The following FBXL17 variants were observed in gnomAD, a reference collection of about 807,000 sequenced individuals.
FBXL17 encodes the protein F-box/LRR-repeat protein 17.
Under a neutral mutation model 66.2 loss-of-function variants are expected in FBXL17, and 22 were observed. The ratio of observed to expected loss-of-function variants is 0.33; its 90% CI spans 0.24 to 0.47. The LOEUF is 0.47. FBXL17 is among the 20% of genes least tolerant of loss of function. The pLI is 1.00. For synonymous variants in FBXL17, 474 were observed against 400.5 expected (o/e 1.18, Z -2.19); for missense variants, 878 against 948.2 (o/e 0.93, Z 0.97).
At chr5:107,893,838 C>G (rs1157312202) in intron 7 of FBXL17, among the ~76,000 whole-genome samples, 1 of 152,120 alleles carries the variant, frequency 6.6e-6, no homozygotes, top group Non-Finnish European at 1.5e-5. Flanking sequence ...AAAAAGCTGA[C>G]AATTGGCAAC....
chr5:108,054,552 TG>T (rs1160465310), intron 6 of FBXL17, among the ~76,000 whole-genome samples: 3 of 152,206 alleles, frequency 2.0e-5, no homozygotes, highest in Non-Finnish European at 2.9e-5. Context: ...AAAACCACAG[TG>T]GGGTTAACTG....
At chr5:108,360,515 G>T (rs1189483104) in intron 3 of FBXL17, among the ~76,000 whole-genome samples, 1 of 152,046 alleles carries the variant, frequency 6.6e-6, no homozygotes, top group Non-Finnish European at 1.5e-5. Flanking sequence ...CTGCTTTGAA[G>T]ATTCTGTCTT....
At chr5:108,021,090 G>GA in intron 6 of FBXL17, 89 bp from the exon 7 acceptor site, 2 of 854,318 alleles carry the variant, frequency 2.3e-6, no homozygotes, top group Non-Finnish European at 3.9e-6. Flanking sequence ...AGTATTTGGT[G>GA]AATGCCACAG....
chr5:108,251,886 G>T (rs955999123), intron 4 of FBXL17, among the ~76,000 whole-genome samples: 1 of 151,754 alleles, frequency 6.6e-6, no homozygotes, highest in Non-Finnish European at 1.5e-5. Context: ...CATATTCATT[G>T]ATACATGTAG....
At chr5:108,059,456 C>T (rs1176229142) in intron 6 of FBXL17, among the ~76,000 whole-genome samples, 1 of 152,158 alleles carries the variant, frequency 6.6e-6, no homozygotes, top group Non-Finnish European at 1.5e-5. Flanking sequence ...CCTCTCATTA[C>T]CAGACTTGAC....
chr5:107,930,314 C>G (rs1750687637), intron 7 of FBXL17, among the ~76,000 whole-genome samples: 1 of 152,164 alleles, frequency 6.6e-6, no homozygotes, highest in Non-Finnish European at 1.5e-5. Flanking sequence ...TCCCCTCTGC[C>G]AGGCCTTTGT....
At chr5:108,055,292 A>C (rs1433634338) in intron 6 of FBXL17, among the ~76,000 whole-genome samples, 3 of 72,308 alleles carry the variant, frequency 4.1e-5, no homozygotes, top group African/African-American at 6.8e-5. Context: ...AAAAAAAAAA[A>C]AAAAAAAAAA....
intron 6 of FBXL17, among the ~76,000 whole-genome samples, chr5:108,047,678 G>A (rs1384309787): frequency 6.6e-6 from 1 of 152,142 alleles, no homozygotes; most frequent in African/African-American, 2.4e-5. Context: ...GTGGCATACT[G>A]CGGCCAGAGC....
rs541927686 is a variant in FBXL17 at position 108,186,275 on chromosome 5, A to T, written c.1615-28T>A. The stretch of plus-strand genomic sequence containing the variant: ...AATGAGATAAATAAAATGAAAGATG[A>T]AAAAGGTAAATGCTACATTCACTCT... On this transcript the variant is annotated intron_variant, in intron 5 of 8. Coordinates refer to ENST00000542267, the MANE Select transcript of FBXL17 (RefSeq NM_001163315.3). 1.9e-6 allele frequency: 3 copies of T among 1,596,688 alleles called. No homozygotes were observed. In the Admixed American group the frequency reaches 5.1e-5, roughly 27 times the overall value.
intron 7 of FBXL17, among the ~76,000 whole-genome samples, chr5:107,963,240 C>G (rs570899252): frequency 6.6e-6 from 1 of 152,112 alleles, no homozygotes; most frequent in South Asian, 2.1e-4. Flanking sequence ...TGCCCATCCA[C>G]CCATACATTG....
chr5:108,128,744 C>T lies in FBXL17; in HGVS notation c.1745+57373G>A, dbSNP rs1299695794. 2.0e-5 allele frequency among the ~76,000 whole-genome samples: 3 copies of T among 152,052 alleles called. No homozygotes were observed. In the East Asian group the frequency reaches 5.8e-4, roughly 29 times the overall value. On this transcript the variant is annotated intron_variant, in intron 6 of 8. Coordinates refer to ENST00000542267, the MANE Select transcript of FBXL17 (RefSeq NM_001163315.3). ...TTTAAAATTTTAATGAGATATAGAT[C>T]ACTCAACACTAGCTAAAGAAAGCAA...
At chr5:107,882,906 C>T (rs185758833) in intron 7 of FBXL17, among the ~76,000 whole-genome samples, 3 of 152,202 alleles carry the variant, frequency 2.0e-5, no homozygotes, top group East Asian at 3.9e-4. Flanking sequence ...ACACGAAAGC[C>T]CAGTGCTATC....
At chr5:108,079,768 T>C (rs1478019737) in intron 6 of FBXL17, among the ~76,000 whole-genome samples, 1 of 152,166 alleles carries the variant, frequency 6.6e-6, no homozygotes, top group Non-Finnish European at 1.5e-5. Flanking sequence ...GTAGCAATTG[T>C]GAAGTATTTT....
chr5:108,141,070 C>T (rs552617264), intron 6 of FBXL17, among the ~76,000 whole-genome samples: 14 of 152,204 alleles, frequency 9.2e-5, no homozygotes, highest in African/African-American at 3.1e-4. Flanking sequence ...GTTTCCTTCA[C>T]GGTGGCCCCT....
chr5:108,232,166 G>A (rs1260922835), intron 4 of FBXL17, among the ~76,000 whole-genome samples: 1 of 152,090 alleles, frequency 6.6e-6, no homozygotes, highest in Non-Finnish European at 1.5e-5. Flanking sequence ...TAAGAAAATA[G>A]CTTAATTTTA....
chr5:107,997,009 T>C (rs1244160630), intron 7 of FBXL17, among the ~76,000 whole-genome samples: 2 of 152,232 alleles, frequency 1.3e-5, no homozygotes, highest in African/African-American at 4.8e-5. Context: ...CATGTTCTTA[T>C]AACCAGTTAA....
At chr5:107,919,848 G>C (rs911249270) in intron 7 of FBXL17, among the ~76,000 whole-genome samples, 8 of 152,244 alleles carry the variant, frequency 5.3e-5, no homozygotes, top group Admixed American at 1.3e-4. Context: ...TGTATTTACA[G>C]CATTTACTGA....
intron 7 of FBXL17, among the ~76,000 whole-genome samples, chr5:107,895,656 G>T (rs1056108654): frequency 5.3e-5 from 8 of 152,116 alleles, no homozygotes; most frequent in Admixed American, 5.2e-4. Flanking sequence ...TAAAATGCAA[G>T]TTAATAGGTA....
chr5:108,353,227 G>C (rs1325445173), intron 3 of FBXL17, among the ~76,000 whole-genome samples: 2 of 152,128 alleles, frequency 1.3e-5, no homozygotes, highest in African/African-American at 2.4e-5. Context: ...GAGAAATGAA[G>C]ACACAGACCA....
Sources: allele counts gnomAD v4.1 joint callset (sites outside exome capture counted in the v4.1 genomes callset), GRCh38; gene constraint gnomAD v4.1.1; transcripts MANE v1.5; gene names NCBI Gene and HGNC (gene_info 2026-07-23, HGNC 2026-07-21).